Variants in AGO2 observed in about 807,000 individuals in gnomAD.
AGO2 encodes argonaute RISC catalytic component 2.
Under a neutral mutation model 102.3 loss-of-function variants are expected in AGO2, and 5 were observed. The observed-to-expected ratio is 0.05, with a 90% CI of 0.03 to 0.10. The LOEUF is 0.10. AGO2 is among the 10% of genes least tolerant of loss of function. AGO2 has a pLI of 1.00. For missense variants in AGO2, 541 were observed against 1,183.7 expected, an observed-to-expected ratio of 0.46 and a Z score of 7.97; for synonymous variants, 449 against 473.1, an observed-to-expected ratio of 0.95 and a Z score of 0.66.
chr8:140,547,038 C>T (rs1309933913), intron 13 of AGO2, among the ~76,000 whole-genome samples: 1 of 152,196 alleles, frequency 6.6e-6, no homozygotes, highest in Non-Finnish European at 1.5e-5. Context: ...ACAGTGTGCT[C>T]CCATGAGGAG....
At chr8:140,616,420 A>G (rs1352081236) in intron 1 of AGO2, among the ~76,000 whole-genome samples, 1 of 152,226 alleles carries the variant, frequency 6.6e-6, no homozygotes, top group Admixed American at 6.5e-5. Context: ...TAATTATGAC[A>G]ACGACAACAA....
intron 2 of AGO2, among the ~76,000 whole-genome samples, chr8:140,575,271 A>C (rs28453005): frequency 1.0e-5 from 1 of 96,996 alleles, no homozygotes; most frequent in African/African-American, 3.9e-5. Context: ...GCACAATCTC[A>C]CCTGGCACCT....
intron 1 of AGO2, among the ~76,000 whole-genome samples, chr8:140,620,946 C>T (rs1444105108): frequency 6.6e-6 from 1 of 152,180 alleles, no homozygotes. Context: ...CAGGGTCCCG[C>T]TCCATCACCC....
At chr8:140,594,130 G>A (rs1440001966) in intron 1 of AGO2, among the ~76,000 whole-genome samples, 1 of 152,168 alleles carries the variant, frequency 6.6e-6, no homozygotes, top group South Asian at 2.1e-4. Flanking sequence ...GTCTTCAGAA[G>A]AGGGCAGGGA....
chr8:140,585,284 G>A lies in AGO2; in HGVS notation c.50C>T (p.Pro17Leu), dbSNP rs1274162754. The A allele has an allele frequency of 6.2e-7, 1 of 1,613,886 alleles. No individual in the cohort carries two copies. Among genetic ancestry groups the A allele is most frequent in the African/African-American group, 1.3e-5 (1 of 74,908 alleles). Residue 17 changes from proline to leucine, a missense_variant, in exon 2 of 19, where the codon CCC becomes CTC. Coordinates refer to ENST00000220592, the MANE Select transcript of AGO2 (RefSeq NM_012154.5). Reference sequence around the variant, plus strand: ...AGGCTTGAAGGCATATCCTTGGATGGGGGGCGGCGGCGCAGGAGGTGCAAG... The same window carrying A: ...AGGCTTGAAGGCATATCCTTGGATGAGGGGCGGCGGCGCAGGAGGTGCAAG... ...PALAPPAPPP[P>L]IQGYAFKPPP...
intron 13 of AGO2, among the ~76,000 whole-genome samples, chr8:140,544,852 C>T (rs1267754239): frequency 6.6e-6 from 1 of 152,222 alleles, no homozygotes; most frequent in Non-Finnish European, 1.5e-5. Context: ...AACTTTCAGA[C>T]CCTGAGTATA....
intron 1 of AGO2, among the ~76,000 whole-genome samples, chr8:140,617,277 G>A (rs748803983): frequency 2.0e-5 from 3 of 149,914 alleles, no homozygotes; most frequent in East Asian, 1.9e-4. Flanking sequence ...TTTTTTTTTC[G>A]AGATGGAGTC....
chr8:140,619,821 G>A (rs1390697562), intron 1 of AGO2, among the ~76,000 whole-genome samples: 3 of 152,226 alleles, frequency 2.0e-5, no homozygotes, highest in Non-Finnish European at 2.9e-5. Flanking sequence ...CAATGGGGGA[G>A]GCGAGAAACC....
chr8:140,615,968 C>T (rs918149211), intron 1 of AGO2, among the ~76,000 whole-genome samples: 2 of 152,226 alleles, frequency 1.3e-5, no homozygotes, highest in African/African-American at 4.8e-5. Context: ...AAGAAACATG[C>T]TTTCTGATAT....
Position 140,525,948 on chromosome 8 carries a change from G to A in AGO2, c.*6096C>T, listed in dbSNP as rs558317033. On this transcript the variant is annotated 3_prime_UTR_variant, in exon 19 of 19. Transcript: ENST00000220592. ...CAGACGGTCCACTGCGCCACTAGTG[G>A]GAACTTCTACTTCAAAACACCAGCT... The A allele has an allele frequency of 1.3e-5, 2 of 152,274 alleles. No individual in the cohort carries two copies. Among genetic ancestry groups the A allele is most frequent in the South Asian group, 2.1e-4 (1 of 4,824 alleles). 9.4% of individuals were successfully genotyped at this position (152,274 alleles called of 1,614,324 possible).
intron 1 of AGO2, among the ~76,000 whole-genome samples, chr8:140,628,254 T>C (rs928388682): frequency 1.3e-5 from 2 of 152,236 alleles, no homozygotes; most frequent in Non-Finnish European, 2.9e-5. Flanking sequence ...ACTGCCTTAC[T>C]GGGGCTGCCA....
At chr8:140,535,424 G>A (rs1352147790) in intron 17 of AGO2, 44 bp downstream of exon 17, 9 of 1,591,912 alleles carry the variant, frequency 5.7e-6, no homozygotes, top group East Asian at 2.2e-5. Flanking sequence ...GGGATGACAC[G>A]GCAGACGGCC....
In AGO2 at chr8:140,557,386, G is replaced by T; in HGVS notation, c.879-150C>A. ...GTGAAAACCATGTCATGTGCTTTGGGTTATCTGGAATGTTTCTGAGCCCCT... is the reference window on the plus strand; with the variant it reads ...GTGAAAACCATGTCATGTGCTTTGGTTTATCTGGAATGTTTCTGAGCCCCT... On this transcript the variant is annotated intron_variant, in intron 7 of 18. Transcript: ENST00000220592. The surrounding 1 kb of genome is among the most constrained non-coding windows in gnomAD (Gnocchi z 5.9). The T allele has an allele frequency of 9.6e-7, 1 of 1,037,776 alleles. No homozygotes were observed. Among genetic ancestry groups the T allele is most frequent in the Non-Finnish European group, 1.4e-6 (1 of 740,214 alleles). The allele number at this position is 1,037,776 out of a possible 1,614,324, so 64.3% of individuals were successfully genotyped here.
intron 1 of AGO2, among the ~76,000 whole-genome samples, chr8:140,587,951 G>A (rs1390941023): frequency 1.3e-5 from 2 of 152,046 alleles, no homozygotes; most frequent in Non-Finnish European, 2.9e-5. Context: ...CCAAATCCCT[G>A]GCCTGCATCC....
chr8:140,559,607 C>T, intron 5 of AGO2, 78 bp from the exon 6 acceptor site: 1 of 1,569,276 alleles, frequency 6.4e-7, no homozygotes, highest in Non-Finnish European at 8.6e-7. Flanking sequence ...GGAGGGGCCT[C>T]ATAGGCCAGG....
intron 1 of AGO2, among the ~76,000 whole-genome samples, chr8:140,624,391 C>A (rs1172112058): frequency 6.6e-6 from 1 of 152,240 alleles, no homozygotes; most frequent in Non-Finnish European, 1.5e-5. Flanking sequence ...TGGCAGTGAC[C>A]ACCTCACCCT....
At chr8:140,576,546 G>A (rs980958635) in intron 2 of AGO2, among the ~76,000 whole-genome samples, 21 of 152,108 alleles carry the variant, frequency 1.4e-4, no homozygotes, top group Non-Finnish European at 2.8e-4. Context: ...TTCATCACTC[G>A]GCTTTAGGGA....
chr8:140,606,309 T>C (rs1013784607), intron 1 of AGO2, among the ~76,000 whole-genome samples: 1 of 152,234 alleles, frequency 6.6e-6, no homozygotes, highest in Non-Finnish European at 1.5e-5. Flanking sequence ...CCCCACCTAC[T>C]GCGAGAGCAA....
upstream of AGO2, among the ~76,000 whole-genome samples, chr8:140,639,549 C>T (rs1268474783): frequency 6.7e-6 from 1 of 150,166 alleles, no homozygotes; most frequent in African/African-American, 2.5e-5. Flanking sequence ...TTTGGGAGGT[C>T]AAGGTGAGAG....
Sources: allele counts gnomAD v4.1 joint callset (sites outside exome capture counted in the v4.1 genomes callset), GRCh38; gene constraint gnomAD v4.1.1; non-coding constraint Gnocchi (gnomAD v3.1); transcripts MANE v1.5; gene names NCBI Gene and HGNC (gene_info 2026-07-23, HGNC 2026-07-21).